Variants in TYW1 observed in about 807,000 individuals in gnomAD.
The protein encoded by TYW1 is S-adenosyl-L-methionine-dependent tRNA 4-demethylwyosine synthase TYW1.
In TYW1, 46 loss-of-function variants were observed where a neutral mutation model predicts 96.2. The observed-to-expected ratio is 0.48, with a 90% CI of 0.38 to 0.61. TYW1 has a LOEUF of 0.61. Ranked by LOEUF, TYW1 falls within the 20% of genes least tolerant of loss-of-function variation. TYW1 has a pLI of 0.00. For synonymous variants in TYW1, 274 were observed against 323.0 expected, an observed-to-expected ratio of 0.85 and a Z score of 1.63; for missense variants, 684 against 909.6, an observed-to-expected ratio of 0.75 and a Z score of 3.19.
rs200082943 is a variant in TYW1 at position 67,005,781 on chromosome 7, C to T, written c.274-3802C>T. Among the ~76,000 whole-genome samples, 7 of 152,304 alleles carry T rather than the reference C, an allele frequency of 4.6e-5. No homozygotes were observed. In the East Asian group the frequency reaches 1.2e-3, roughly 25 times the overall value. ...CGTCATCCCTCTGCTTAAAACCCTG[C>T]ACTGACCCCTTCATTCAAGAGTCAA... On this transcript the variant is annotated intron_variant, in intron 3 of 15. Coordinates refer to ENST00000359626, the MANE Select transcript of TYW1 (RefSeq NM_018264.4).
At chr7:67,069,274 G>C (rs1795962530) in intron 10 of TYW1, among the ~76,000 whole-genome samples, 1 of 152,156 alleles carries the variant, frequency 6.6e-6, no homozygotes, top group Non-Finnish European at 1.5e-5. Context: ...GATATTATTT[G>C]ACTCAATAGC....
At position 67,033,698 on chromosome 7, in the gene TYW1, C is replaced by T. The variant is rs377267621; in HGVS notation, c.984+8676C>T. ...TTTCATCTCTGTGATCTGGGGGACCCTTTTTTTTTTTTTTTGAGACGGAGT... is the reference window on the plus strand; with the variant it reads ...TTTCATCTCTGTGATCTGGGGGACCTTTTTTTTTTTTTTTTGAGACGGAGT... On this transcript the variant is annotated intron_variant, in intron 7 of 15. Coordinates refer to ENST00000359626, the MANE Select transcript of TYW1 (RefSeq NM_018264.4). Among the ~76,000 whole-genome samples, 944 of 141,426 alleles carry T rather than the reference C, an allele frequency of 6.7e-3. 10 individuals are homozygous for T. Among genetic ancestry groups the T allele is most frequent in the Non-Finnish European group, 8.8e-3 (569 of 64,658 alleles). The allele number at this position is 141,426 out of a possible 152,430, so 92.8% of individuals were successfully genotyped here. A position where few individuals can be genotyped will look rare whatever the true frequency, so the allele number is the denominator to read the frequency against.
rs1795198964 is a variant in TYW1, at chr7:67,046,715, T to C, written c.985-3234T>C. Among the ~76,000 whole-genome samples, 7 of 152,234 alleles carry C rather than the reference T, an allele frequency of 4.6e-5. No individual in the cohort carries two copies. The South Asian group carries it at 1.4e-3, about 32-fold the overall frequency. ...AGTGTTATAAACCATTACATTTCTT[T>C]TCAGAAACGAAATTACTACTGCATA... On this transcript the variant is annotated intron_variant, in intron 7 of 15. Coordinates refer to ENST00000359626, the MANE Select transcript of TYW1 (RefSeq NM_018264.4).
At chr7:67,041,272 T>G (rs1795009844) in intron 7 of TYW1, among the ~76,000 whole-genome samples, 1 of 152,088 alleles carries the variant, frequency 6.6e-6, no homozygotes, top group South Asian at 2.1e-4. Flanking sequence ...ACTGCTTGGC[T>G]TTTCTTTTTC....
intron 15 of TYW1, among the ~76,000 whole-genome samples, chr7:67,227,505 CCTCAGCTGCCCAA>C: frequency 6.6e-6 from 1 of 152,168 alleles, no homozygotes; most frequent in Non-Finnish European, 1.5e-5. Flanking sequence ...GATCCTCCCA[CCTCAGCTGCCCAA>C]AGTGCTGGGA....
chr7:67,161,622 T>G (rs994717495), intron 13 of TYW1, among the ~76,000 whole-genome samples: 1 of 152,218 alleles, frequency 6.6e-6, no homozygotes, highest in African/African-American at 2.4e-5. Flanking sequence ...TGTTGCAGTG[T>G]GGATGTCTCA....
At chr7:67,108,615 A>G (rs1324625090) in intron 12 of TYW1, among the ~76,000 whole-genome samples, 1 of 150,050 alleles carries the variant, frequency 6.7e-6, no homozygotes, top group African/African-American at 2.5e-5. Context: ...TAATTTTTTT[A>G]TTTTCTGAGA....
chr7:67,042,645 T>C (rs755192392), intron 7 of TYW1, among the ~76,000 whole-genome samples: 8 of 151,924 alleles, frequency 5.3e-5, no homozygotes, highest in Non-Finnish European at 7.4e-5. Flanking sequence ...TGTGATTTGA[T>C]TGAATTGGAG....
At chr7:67,067,461 C>T (rs1795901306) in intron 10 of TYW1, 58 bp downstream of exon 10, 1 of 1,585,294 alleles carries the variant, frequency 6.3e-7, no homozygotes, top group African/African-American at 1.3e-5. Flanking sequence ...GGTAATCAAT[C>T]TGCCCAGCTC....
At chr7:67,228,619 A>G (rs942181330) in intron 15 of TYW1, among the ~76,000 whole-genome samples, 10 of 152,228 alleles carry the variant, frequency 6.6e-5, no homozygotes, top group African/African-American at 1.2e-4. Context: ...ACCACCTCCA[A>G]TGTTGATGCT....
chr7:67,065,230 G>A (rs1406201525), intron 9 of TYW1, among the ~76,000 whole-genome samples: 2 of 152,104 alleles, frequency 1.3e-5, no homozygotes, highest in Non-Finnish European at 2.9e-5. Context: ...TTATAAGGAC[G>A]GTAGTTCTGT....
intron 11 of TYW1, among the ~76,000 whole-genome samples, chr7:67,094,651 A>AGTGTGTGT (rs56069939): frequency 0.021 from 2,908 of 141,600 alleles, 55 homozygotes; most frequent in East Asian, 0.041. Flanking sequence ...AGAGAATTAG[A>AGTGTGTGT]GTGTGTGTGT....
chr7:67,049,996 G>A lies in TYW1; in HGVS notation c.1032G>A (p.Met344Ile). Residue 344 changes from methionine (M) to isoleucine (I), a missense_variant, in exon 8 of 16, where the codon ATG becomes ATA. By Grantham distance (10) the Met-to-Ile change is conservative. Coordinates refer to ENST00000359626, the MANE Select transcript of TYW1 (RefSeq NM_018264.4). The part of the protein sequence containing the change: ...QEEKSGLFRN[M>I]GRNEDGERRA... ...AGAAGTCTGGTTTGTTCAGGAACATGGGGAGGAATGAAGATGGTGAAAGAA... is the reference window on the plus strand; with the variant it reads ...AGAAGTCTGGTTTGTTCAGGAACATAGGGAGGAATGAAGATGGTGAAAGAA... 6.2e-7 allele frequency: 1 copy of A among 1,614,086 alleles called. No individual in the cohort carries two copies. The highest frequency in any genetic ancestry group is 8.5e-7 in the Non-Finnish European group (1 of 1,180,008).
At chr7:66,997,378 C>T (rs994962872) in intron 1 of TYW1, among the ~76,000 whole-genome samples, 1 of 151,906 alleles carries the variant, frequency 6.6e-6, no homozygotes, top group East Asian at 1.9e-4. Flanking sequence ...CAAGTTTAAC[C>T]GTGAGCCTTT....
At position 67,089,140 on chromosome 7, in the gene TYW1, G is replaced by A. The variant is rs555470701; in HGVS notation, c.1384+5601G>A. On this transcript the variant is annotated intron_variant, in intron 11 of 15. Transcript: ENST00000359626. Reference sequence around the variant, plus strand: ...CCCCAGGGACAGGGGACCAGGGGAAGGGGGAGGAGGGGAAGTGAGGCCCCA... The same window carrying A: ...CCCCAGGGACAGGGGACCAGGGGAAAGGGGAGGAGGGGAAGTGAGGCCCCA... 54 of 436,890 alleles carry A rather than the reference G, an allele frequency of 1.2e-4. No homozygotes were observed. The South Asian group carries it at 2.1e-3, about 17-fold the overall frequency. 27.1% of individuals were successfully genotyped at this position (436,890 alleles called of 1,614,324 possible). A position where few individuals can be genotyped will look rare whatever the true frequency, so the allele number is the denominator to read the frequency against.
At chr7:67,115,665 A>G (rs1797570633) in intron 12 of TYW1, among the ~76,000 whole-genome samples, 1 of 152,160 alleles carries the variant, frequency 6.6e-6, no homozygotes, top group Non-Finnish European at 1.5e-5. Context: ...AGTAGCTTTA[A>G]TATCTGCCTG....
chr7:67,228,495 C>T (rs1018096479), intron 15 of TYW1, among the ~76,000 whole-genome samples: 20 of 152,198 alleles, frequency 1.3e-4, no homozygotes, highest in African/African-American at 4.6e-4. Context: ...TGGGTGGAAA[C>T]ACAGCCAAAC....
At chr7:67,148,889 T>G (rs1438738989) in intron 13 of TYW1, among the ~76,000 whole-genome samples, 1 of 152,186 alleles carries the variant, frequency 6.6e-6, no homozygotes, top group Non-Finnish European at 1.5e-5. Flanking sequence ...ATATTTCCTT[T>G]GAAATTTCAA....
chr7:67,092,978 C>A (rs943481826), intron 11 of TYW1, among the ~76,000 whole-genome samples: 1 of 151,930 alleles, frequency 6.6e-6, no homozygotes, highest in Non-Finnish European at 1.5e-5. Context: ...CCACCACGCC[C>A]GGCCCAAAAC....
Sources: allele counts gnomAD v4.1 joint callset (sites outside exome capture counted in the v4.1 genomes callset), GRCh38; gene constraint gnomAD v4.1.1; transcripts MANE v1.5; gene names NCBI Gene and HGNC (gene_info 2026-07-23, HGNC 2026-07-21).